ZNF700: variants seen among roughly 807,000 people sequenced by gnomAD.
ZNF700 encodes zinc finger protein 700.
In ZNF700, 38 loss-of-function variants were observed where a neutral mutation model predicts 65.3. The ratio of observed to expected loss-of-function variants is 0.58; its 90% CI spans 0.45 to 0.76. The LOEUF (loss-of-function observed/expected upper bound fraction) is 0.76, where lower values mean the gene tolerates loss of function less well. Ranked by LOEUF, ZNF700 falls within the 30% of genes least tolerant of loss-of-function variation. The probability of loss-of-function intolerance (pLI) is 0.00; values close to 1 mark genes in which losing one functional copy is unlikely to be tolerated. For missense variants in ZNF700, 857 were observed against 888.4 expected, an observed-to-expected ratio of 0.96 and a Z score of 0.45; for synonymous variants, 285 against 290.4, an observed-to-expected ratio of 0.98 and a Z score of 0.19.
At position 11,929,028 on chromosome 19, in the gene ZNF700, A is replaced by C; in HGVS notation, c.63+3755A>C. 1.3e-5 allele frequency among the ~76,000 whole-genome samples: 2 copies of C among 148,704 alleles called. 1 individual carries two copies. Among genetic ancestry groups the C allele is most frequent in the Admixed American group, 1.3e-4 (2 of 15,122 alleles). ...TTACAAAACGCTATAGGTAGGAAAG[A>C]AGGCGAATCTGTAATCAGGGAATGG... On this transcript the variant is annotated intron_variant, in intron 1 of 3. Transcript: ENST00000254321.
In ZNF700 at chr19:11,949,995, CT is replaced by C; in HGVS notation, c.1972del (p.Cys658ValfsTer163). The C allele has an allele frequency of 6.2e-7, 1 of 1,614,080 alleles. No individual in the cohort carries two copies. The highest frequency in any genetic ancestry group is 8.5e-7 in the Non-Finnish European group (1 of 1,180,006). On this transcript the variant is annotated frameshift_variant, in exon 4 of 4. Transcript: ENST00000254321. LOFTEE classifies it high-confidence loss of function. ...YECKECEKAF[C>X]KFSSFQIHER... ...AATGTAAGGAATGCGAAAAAGCATT[CT>C]GTAAATTCTCTTCTTTTCAAATACA... is the stretch of plus-strand genomic sequence containing the variant.
chr19:11,932,635 ATT>A lies in ZNF700; in HGVS notation c.63+7381_63+7382del, dbSNP rs750423524. Among the ~76,000 whole-genome samples the A allele has an allele frequency of 3.5e-3, 410 of 116,818 alleles. 19 individuals carry two copies. The highest frequency in any genetic ancestry group is 0.013 in the African/African-American group (339 of 26,320). 76.6% of individuals were successfully genotyped at this position (116,818 alleles called of 152,430 possible). Reference sequence around the variant, plus strand: ...TGTTTTTTATGCAAACCAATATGTGATTTTTTTTTTTTTTTTTTTTGAGACAG... The same window carrying A: ...TGTTTTTTATGCAAACCAATATGTGATTTTTTTTTTTTTTTTTTGAGACAG... On this transcript the variant is annotated intron_variant, in intron 1 of 3. Coordinates refer to ENST00000254321, the MANE Select transcript of ZNF700 (RefSeq NM_144566.3).
At chr19:11,939,983 G>C (rs1465671717) in intron 1 of ZNF700, 1 of 150,914 alleles carries the variant, frequency 6.6e-6, no homozygotes, top group African/African-American at 2.4e-5. Flanking sequence ...GCAGGCTGGA[G>C]TTCAGTGGCA....
At chr19:11,948,243 A>G in intron 3 of ZNF700, 33 bp from the exon 4 acceptor site, 1 of 1,596,104 alleles carries the variant, frequency 6.3e-7, no homozygotes, top group Non-Finnish European at 8.5e-7. Context: ...CTTGTAAACA[A>G]ACCCTTCATG....
At chr19:11,929,158 A>G (rs1471145020) in intron 1 of ZNF700, among the ~76,000 whole-genome samples, 1 of 147,968 alleles carries the variant, frequency 6.8e-6, no homozygotes, top group Non-Finnish European at 1.5e-5. Flanking sequence ...TTTTTGAATT[A>G]CTTTGTTGTT....
chr19:11,949,363 G>C lies in ZNF700; in HGVS notation c.1339G>C (p.Glu447Gln), dbSNP rs1449152549. Residue 447 changes from glutamate to glutamine, a missense_variant, in exon 4 of 4, where the codon GAA becomes CAA. Around this residue, in one of 3 missense-constraint regions of ZNF700, gnomAD observed 603 missense variants for 619.9 expected, o/e 0.97. Transcript: ENST00000254321. ...GACTCACACTGGAGAGAAACCCTATGAATGTAAGGAATGTGGGAAAGCCTT... is the reference window on the plus strand; with the variant it reads ...GACTCACACTGGAGAGAAACCCTATCAATGTAAGGAATGTGGGAAAGCCTT... The part of the protein sequence containing the change: ...GGTHTGEKPY[E>Q]CKECGKAFRS... The C allele has an allele frequency of 1.2e-6, 2 of 1,613,688 alleles. No individual in the cohort carries two copies. Among genetic ancestry groups the C allele is most frequent in the African/African-American group, 2.7e-5 (2 of 74,810 alleles).
chr19:11,939,501 G>A (rs1025420403), intron 1 of ZNF700, among the ~76,000 whole-genome samples: 2 of 152,156 alleles, frequency 1.3e-5, no homozygotes, highest in Admixed American at 6.5e-5. Flanking sequence ...CCCATTTGTT[G>A]TTTTTGTCAG....
At chr19:11,945,941 T>G (rs1972952749) in intron 1 of ZNF700, among the ~76,000 whole-genome samples, 1 of 152,150 alleles carries the variant, frequency 6.6e-6, no homozygotes, top group Non-Finnish European at 1.5e-5. Context: ...GAGACTCGTG[T>G]GGCTTCGATT....
At chr19:11,939,786 T>A (rs1972851687) in intron 1 of ZNF700, among the ~76,000 whole-genome samples, 1 of 151,720 alleles carries the variant, frequency 6.6e-6, no homozygotes, top group South Asian at 2.1e-4. Flanking sequence ...TATCATTACT[T>A]ATTGGAAAAC....
chr19:11,945,542 C>T (rs1457180866), intron 1 of ZNF700, among the ~76,000 whole-genome samples: 1 of 152,012 alleles, frequency 6.6e-6, no homozygotes, highest in Non-Finnish European at 1.5e-5. Flanking sequence ...TCTAGGGAAC[C>T]GGGTACTGTT....
Position 11,949,934 on chromosome 19 carries a change from T to C in ZNF700, c.1910T>C (p.Met637Thr), listed in dbSNP as rs760235035. The C allele has an allele frequency of 1.4e-5, 23 of 1,611,010 alleles. No individual in the cohort carries two copies. In the Admixed American group the frequency reaches 2.0e-4, roughly 14 times the overall value. ...TTCAGATCTGCCTCAAACCTTCAGATGCATGAAAGGACTCACACTGGAGAG... is the reference window on the plus strand; with the variant it reads ...TTCAGATCTGCCTCAAACCTTCAGACGCATGAAAGGACTCACACTGGAGAG... Reference protein sequence around the residue: ...KAFRSASNLQMHERTHTGEKP... With the variant: ...KAFRSASNLQTHERTHTGEKP... The change falls in exon 4 of 4, where the codon ATG becomes ACG. Residue 637 changes from methionine (M) to threonine (T), a missense_variant. Met to Thr is a moderately conservative substitution (Grantham distance 81, BLOSUM62 -1). Transcript: ENST00000254321.
chr19:11,931,221 A>C (rs191705386), intron 1 of ZNF700, among the ~76,000 whole-genome samples: 7 of 148,000 alleles, frequency 4.7e-5, no homozygotes, highest in Non-Finnish European at 1.0e-4. Flanking sequence ...TATTTCTGGC[A>C]GTTCTTGAGG....
intron 1 of ZNF700, among the ~76,000 whole-genome samples, chr19:11,942,742 ATAGATAATAC>A (rs1484764932): frequency 6.6e-6 from 1 of 152,204 alleles, no homozygotes; most frequent in African/African-American, 2.4e-5. Flanking sequence ...TCTGGAATCT[ATAGATAATAC>A]AAGTGGTTAG....
At chr19:11,933,813 C>G (rs1972749270) in intron 1 of ZNF700, among the ~76,000 whole-genome samples, 1 of 143,818 alleles carries the variant, frequency 7.0e-6, no homozygotes, top group Non-Finnish European at 1.5e-5. Flanking sequence ...CCACTGCACT[C>G]TAGCCTGGGT....
In ZNF700 at chr19:11,930,697, C is replaced by T. The variant is rs531938942; in HGVS notation, c.63+5424C>T. Among the ~76,000 whole-genome samples the T allele has an allele frequency of 1.1e-4, 16 of 148,360 alleles. No individual in the cohort carries two copies. In the East Asian group the frequency reaches 2.9e-3, roughly 27 times the overall value. The stretch of plus-strand genomic sequence containing the variant: ...CAATACCTGGTTTGTCATAGTTTCA[C>T]ATTACCTTAAATAGATGCCCAGACT... On this transcript the variant is annotated intron_variant, in intron 1 of 3. Coordinates refer to ENST00000254321, the MANE Select transcript of ZNF700 (RefSeq NM_144566.3).
At chr19:11,944,453 A>G (rs2145295712) in intron 1 of ZNF700, among the ~76,000 whole-genome samples, 1 of 152,282 alleles carries the variant, frequency 6.6e-6, no homozygotes, top group South Asian at 2.1e-4. Context: ...AGCATGCAGT[A>G]TCCATGTGAT....
At chr19:11,939,158 T>G (rs1972841802) in intron 1 of ZNF700, among the ~76,000 whole-genome samples, 1 of 152,230 alleles carries the variant, frequency 6.6e-6, no homozygotes, top group Non-Finnish European at 1.5e-5. Flanking sequence ...TGTAAAAATT[T>G]TCTCCCATTC....
chr19:11,930,242 G>T (rs1233830308), intron 1 of ZNF700, among the ~76,000 whole-genome samples: 1 of 148,574 alleles, frequency 6.7e-6, no homozygotes, highest in Non-Finnish European at 1.5e-5. Context: ...TGTTGCTATT[G>T]AGGAAAAACA....
At position 11,950,711 on chromosome 19, in the gene ZNF700, A is replaced by G. The variant is rs1292672363; in HGVS notation, c.*458A>G. ...ATTATCATAAGTATACTAACATGTT[A>G]TTCTTTTTAAATAAGAAGGTATAAT... On this transcript the variant is annotated 3_prime_UTR_variant, in exon 4 of 4. Coordinates refer to ENST00000254321, the MANE Select transcript of ZNF700 (RefSeq NM_144566.3). 3 of 211,784 alleles carry G rather than the reference A, an allele frequency of 1.4e-5. No homozygotes were observed. The highest frequency in any genetic ancestry group is 2.4e-5 in the African/African-American group (1 of 42,326). The allele number at this position is 211,784 out of a possible 1,614,324, so 13.1% of individuals were successfully genotyped here.
Sources: gnomAD v4.1 joint callset for allele counts (sites outside exome capture counted in the v4.1 genomes callset) on GRCh38, gnomAD v4.1.1 for gene constraint, gnomAD v4.1.1 regional missense constraint, MANE v1.5 for transcripts, NCBI Gene and HGNC (gene_info 2026-07-23, HGNC 2026-07-21) for gene names.